The following CCDC15 variants were observed in gnomAD, a reference collection of about 807,000 sequenced individuals.
The protein encoded by CCDC15 is coiled-coil domain-containing protein 15.
Under a neutral mutation model 114.5 loss-of-function variants are expected in CCDC15, and 105 were observed. That is an observed-to-expected ratio of 0.92 (90% CI 0.78 to 1.08). The LOEUF (loss-of-function observed/expected upper bound fraction) is 1.08. Among genes scored for constraint, CCDC15 ranks in the 50% least tolerant of loss-of-function variants. The probability of loss-of-function intolerance (pLI) is 0.00; values close to 1 mark genes in which losing one functional copy is unlikely to be tolerated. For synonymous variants in CCDC15, 334 were observed against 377.8 expected, an observed-to-expected ratio of 0.88 and a Z score of 1.34; for missense variants, 1,105 against 1,093.6, an observed-to-expected ratio of 1.01 and a Z score of -0.15.
At chr11:125,030,138 T>C (rs1025458783) in intron 13 of CCDC15, among the ~76,000 whole-genome samples, 1 of 152,176 alleles carries the variant, frequency 6.6e-6, no homozygotes, top group African/African-American at 2.4e-5. Context: ...AGTGGATCAC[T>C]ATGGGTGATG....
chr11:124,989,680 A>T (rs1377525270), intron 8 of CCDC15, among the ~76,000 whole-genome samples: 1 of 152,190 alleles, frequency 6.6e-6, no homozygotes, highest in African/African-American at 2.4e-5. Context: ...GTAGCCTCTC[A>T]TCAGCACTTA....
chr11:124,962,896 G>A (rs1016500636), intron 4 of CCDC15, among the ~76,000 whole-genome samples: 5 of 152,144 alleles, frequency 3.3e-5, no homozygotes, highest in Admixed American at 6.5e-5. Flanking sequence ...GAGAACATGC[G>A]GTGTTTGGTT....
Position 124,988,063 on chromosome 11 carries a change from C to T in CCDC15, c.1837C>T (p.Leu613=), listed in dbSNP as rs1367097267. The T allele has an allele frequency of 3.7e-6, 6 of 1,613,836 alleles. No homozygotes were observed. The African/African-American group carries it at 8.0e-5, about 22-fold the overall frequency. The stretch of plus-strand genomic sequence containing the variant: ...GGACCGGGATTTTCTACCCAGAGAC[C>T]TGCATGTTCTCTCCAACGACCAGAA... ...CQDRDFLPRD[L]HVLSNDQNIL... The change falls in exon 8 of 16, where the codon CTG becomes TTG. Residue 613 remains leucine, a synonymous_variant. Coordinates refer to ENST00000344762, the MANE Select transcript of CCDC15 (RefSeq NM_025004.3).
intron 5 of CCDC15, 53 bp from the exon 6 acceptor site, chr11:124,977,425 G>C: frequency 6.8e-7 from 1 of 1,468,884 alleles, no homozygotes; most frequent in Non-Finnish European, 9.0e-7. Flanking sequence ...TTAGTCTCAT[G>C]AATATGTTGC....
At chr11:125,033,730 T>G (rs949826749) in intron 13 of CCDC15, among the ~76,000 whole-genome samples, 1 of 152,096 alleles carries the variant, frequency 6.6e-6, no homozygotes. Flanking sequence ...AAGCTATATT[T>G]TAGCTAACCA....
At chr11:124,988,641 T>C (rs966587758) in intron 8 of CCDC15, among the ~76,000 whole-genome samples, 6 of 152,222 alleles carry the variant, frequency 3.9e-5, no homozygotes, top group African/African-American at 1.4e-4. Flanking sequence ...TGATCTACAG[T>C]AGAACTTCTT....
At chr11:124,997,956 T>TAAAC (rs1591600001) in intron 11 of CCDC15, among the ~76,000 whole-genome samples, 3 of 151,778 alleles carry the variant, frequency 2.0e-5, no homozygotes, top group African/African-American at 2.4e-5. Context: ...AATAAATAAA[T>TAAAC]AAACAAACAA....
intron 13 of CCDC15, among the ~76,000 whole-genome samples, chr11:125,030,509 T>G (rs1948730956): frequency 6.6e-6 from 1 of 152,196 alleles, no homozygotes; most frequent in Middle Eastern, 3.2e-3. Flanking sequence ...AGAAGCATTG[T>G]GTGCAGGATA....
At chr11:125,005,321 C>T (rs1948542916) in intron 13 of CCDC15, 109 bp downstream of exon 13, 1 of 504,224 alleles carries the variant, frequency 2.0e-6, no homozygotes, top group Non-Finnish European at 3.5e-6. Context: ...ATATTGAAAA[C>T]AGCTATTTTT....
At position 124,959,808 on chromosome 11, in the gene CCDC15, C is replaced by A; in HGVS notation, c.328-7C>A. The A allele has an allele frequency of 6.8e-7, 1 of 1,471,932 alleles. No individual in the cohort carries two copies. The highest frequency in any genetic ancestry group is 9.1e-7 in the Non-Finnish European group (1 of 1,096,446). 91.2% of individuals were successfully genotyped at this position (1,471,932 alleles called of 1,614,324 possible). A position where few individuals can be genotyped will look rare whatever the true frequency, so the allele number is the denominator to read the frequency against. On this transcript the variant is annotated splice_polypyrimidine_tract_variant and splice_region_variant and intron_variant, in intron 3 of 15. Coordinates refer to ENST00000344762, the MANE Select transcript of CCDC15 (RefSeq NM_025004.3). ...ATGTTACTATCCCCCTTTCTTCTTT[C>A]GTGTAGGCACAAAAAGAAGGCTCCA...
intron 13 of CCDC15, among the ~76,000 whole-genome samples, chr11:125,029,430 C>A (rs1948724232): frequency 6.6e-6 from 1 of 152,144 alleles, no homozygotes; most frequent in Admixed American, 6.5e-5. Context: ...ACGCACAAAT[C>A]CCCAACCAAA....
In CCDC15 at chr11:124,987,568, G is replaced by A. The variant is rs201673470; in HGVS notation, c.1342G>A (p.Asp448Asn). 45 of 1,613,894 alleles carry A rather than the reference G, an allele frequency of 2.8e-5. No individual in the cohort carries two copies. In the African/African-American group the frequency reaches 4.8e-4, roughly 17 times the overall value. The change falls in exon 8 of 16, where the codon GAC becomes AAC. Residue 448 changes from aspartate (D) to asparagine (N), a missense_variant. Transcript: ENST00000344762. ...QSILLKYQDQ[D>N]FLPRDQHVLH... is the part of the protein sequence containing the mutation. ...TATTCTACTCAAATATCAGGACCAG[G>A]ACTTCCTACCCAGAGACCAGCATGT...
intron 13 of CCDC15, among the ~76,000 whole-genome samples, chr11:125,015,409 TACAGAGCCTACAGAC>T (rs2135532141): frequency 6.6e-6 from 1 of 152,270 alleles, no homozygotes; most frequent in South Asian, 2.1e-4. Flanking sequence ...GAACCATTAC[TACAGAGCCTACAGAC>T]ATTAAATCAC....
chr11:124,982,475 A>G (rs1476853507), intron 6 of CCDC15, among the ~76,000 whole-genome samples: 1 of 152,220 alleles, frequency 6.6e-6, no homozygotes, highest in Non-Finnish European at 1.5e-5. Context: ...CTTGTAAGGC[A>G]GGTCTGATGG....
chr11:125,035,161 C>T (rs900138588), intron 13 of CCDC15, among the ~76,000 whole-genome samples: 17 of 152,176 alleles, frequency 1.1e-4, no homozygotes, highest in Admixed American at 5.9e-4. Context: ...ATTCTGGCCA[C>T]GCTGGCAGTT....
At chr11:125,038,690 G>A in intron 14 of CCDC15, 86 bp downstream of exon 14, 2 of 1,295,522 alleles carry the variant, frequency 1.5e-6, no homozygotes, top group Non-Finnish European at 2.1e-6. Flanking sequence ...GAAGAGAATT[G>A]ACTGTGTCTT....
chr11:125,006,865 G>A (rs1344705809), intron 13 of CCDC15, among the ~76,000 whole-genome samples: 3 of 152,018 alleles, frequency 2.0e-5, no homozygotes, highest in African/African-American at 4.8e-5. Flanking sequence ...TTGGTTCTCT[G>A]TTCTGTTCCA....
At chr11:125,002,402 A>G (rs966102497) in intron 11 of CCDC15, among the ~76,000 whole-genome samples, 2 of 152,146 alleles carry the variant, frequency 1.3e-5, no homozygotes, top group African/African-American at 2.4e-5. Flanking sequence ...TTTAATTTTG[A>G]TAAAATCCGA....
Position 124,954,893 on chromosome 11 carries a change from C to T in CCDC15, c.161C>T (p.Ser54Leu), listed in dbSNP as rs1220818985. 1.2e-6 allele frequency: 2 copies of T among 1,613,910 alleles called. No homozygotes were observed. The highest frequency in any genetic ancestry group is 1.7e-6 in the Non-Finnish European group (2 of 1,179,840). The stretch of plus-strand genomic sequence containing the variant: ...GTGGAACCTGCCTCACCAGGTAGTT[C>T]GGAAATCCCAGCATATGTGAGTGTC... ...AWVEPASPGSSEIPAYTSAYL... is the reference protein window; with the variant it reads ...AWVEPASPGSLEIPAYTSAYL... Residue 54 changes from serine (S) to leucine (L), a missense_variant, in exon 2 of 16, where the codon TCG becomes TTG. Physicochemically the swap from Ser to Leu is moderately radical, Grantham distance 145. Coordinates refer to ENST00000344762, the MANE Select transcript of CCDC15 (RefSeq NM_025004.3).
Sources: gnomAD v4.1 joint callset for allele counts (sites outside exome capture counted in the v4.1 genomes callset) on GRCh38, gnomAD v4.1.1 for gene constraint, MANE v1.5 for transcripts, NCBI Gene and HGNC (gene_info 2026-07-23, HGNC 2026-07-21) for gene names.